Variants in CROCC2 observed in about 807,000 individuals in gnomAD.
The protein encoded by CROCC2 is ciliary rootlet coiled-coil protein 2.
A neutral mutation model predicts 177.6 loss-of-function variants in CROCC2; 163 were observed. The observed-to-expected ratio is 0.92, with a 90% CI of 0.81 to 1.05. The LOEUF (loss-of-function observed/expected upper bound fraction) is 1.05. Among genes scored for constraint, CROCC2 ranks in the 50% least tolerant of loss-of-function variants. CROCC2 has a pLI of 0.00. For synonymous variants in CROCC2, 904 were observed against 787.3 expected (o/e 1.15, Z -2.48); for missense variants, 1,929 against 1,797.8 (o/e 1.07, Z -1.32).
In CROCC2 at chr2:240,972,836, A is replaced by G. The variant is rs1271416475; in HGVS notation, c.4401+4574A>G. On this transcript the variant is annotated intron_variant, in intron 27 of 31. Coordinates refer to ENST00000690015, the MANE Select transcript of CROCC2 (RefSeq NM_001351305.2). The surrounding 1 kb of genome is among the most constrained non-coding windows in gnomAD (Gnocchi z 7.1). ...AGTTTTTCCCAACTTTTTGTAATCT[A>G]TGAGTCATTGTGATAGGTTTCTGGA... 6.6e-6 allele frequency among the ~76,000 whole-genome samples: 1 copy of G among 151,898 alleles called. No homozygotes were observed. The highest frequency in any genetic ancestry group is 1.5e-5 in the Non-Finnish European group (1 of 67,980).
At chr2:240,992,158 C>A (rs549415558) in intron 31 of CROCC2, among the ~76,000 whole-genome samples, 14 of 152,362 alleles carry the variant, frequency 9.2e-5, no homozygotes, top group Admixed American at 7.8e-4. Context: ...TCCATCTGCA[C>A]CCCTCGTCTC....
chr2:240,938,079 C>A (rs1360719970), intron 14 of CROCC2, among the ~76,000 whole-genome samples: 1 of 152,202 alleles, frequency 6.6e-6, no homozygotes, highest in Non-Finnish European at 1.5e-5. Flanking sequence ...TCAGGTAGTT[C>A]TTTACAGCAG....
chr2:240,965,625 C>G lies in CROCC2; in HGVS notation c.3604-11C>G, dbSNP rs1435773516. On this transcript the variant is annotated splice_polypyrimidine_tract_variant and intron_variant, in intron 23 of 31. Transcript: ENST00000690015. ...GTCTCCCACGGGCGCACCCCAACATCCCTCCTACAGGTCCTGGGATTGCAG... is the reference window on the plus strand; with the variant it reads ...GTCTCCCACGGGCGCACCCCAACATGCCTCCTACAGGTCCTGGGATTGCAG... 3 of 1,550,262 alleles carry G rather than the reference C, an allele frequency of 1.9e-6. No homozygotes were observed. Among genetic ancestry groups the G allele is most frequent in the Non-Finnish European group, 2.6e-6 (3 of 1,146,862 alleles).
In CROCC2 at chr2:240,950,496, C is replaced by T; in HGVS notation, c.2815C>T (p.His939Tyr). The T allele has an allele frequency of 2.6e-6, 4 of 1,549,452 alleles. No individual in the cohort carries two copies. Among genetic ancestry groups the T allele is most frequent in the Non-Finnish European group, 3.5e-6 (4 of 1,146,352 alleles). Residue 939 changes from histidine to tyrosine, a missense_variant, in exon 18 of 32, where the codon CAC becomes TAC. Physicochemically the swap from His to Tyr is moderately conservative, Grantham distance 83. This residue lies in a region of CROCC2 where 1,397 missense variants were observed against 1,239.9 expected (regional missense o/e 1.13). Transcript: ENST00000690015. ...GGACGAGAGCCTTCTCCAACTGGAGCACAAGATGCAACAGGTGATGGTGAG... is the reference window on the plus strand; with the variant it reads ...GGACGAGAGCCTTCTCCAACTGGAGTACAAGATGCAACAGGTGATGGTGAG... ...ERDESLLQLE[H>Y]KMQQALSLKE...
intron 28 of CROCC2, among the ~76,000 whole-genome samples, chr2:240,983,979 C>T (rs1429640121): frequency 1.3e-5 from 2 of 152,158 alleles, no homozygotes; most frequent in Non-Finnish European, 2.9e-5. Flanking sequence ...AGGTGCCCCA[C>T]AACCTCCCCT....
In CROCC2 at chr2:240,917,247, C is replaced by T. The variant is rs1009360485; in HGVS notation, c.79-1479C>T. Among the ~76,000 whole-genome samples, 1 of 135,974 alleles carries T rather than the reference C, an allele frequency of 7.4e-6. No individual in the cohort carries two copies. Among genetic ancestry groups the T allele is most frequent in the African/African-American group, 3.4e-5 (1 of 29,458 alleles). The allele number at this position is 135,974 out of a possible 152,430, so 89.2% of individuals were successfully genotyped here. On this transcript the variant is annotated intron_variant, in intron 1 of 31. Transcript: ENST00000690015. This position sits in a 1 kb window ranked among gnomAD's most constrained non-coding sequence, Gnocchi z 4.9. ...GGGCAGCAGAGTCGGAATAGGGCCTCTCCAGGCGCCATGCTGAGCCTGGGT... is the reference window on the plus strand; with the variant it reads ...GGGCAGCAGAGTCGGAATAGGGCCTTTCCAGGCGCCATGCTGAGCCTGGGT...
At chr2:240,969,336 G>A (rs1309496010) in intron 27 of CROCC2, among the ~76,000 whole-genome samples, 1 of 152,258 alleles carries the variant, frequency 6.6e-6, no homozygotes, top group Non-Finnish European at 1.5e-5. Flanking sequence ...CTAGCAGGCA[G>A]GCTCTGAGTT....
chr2:240,971,028 G>A (rs376223045), intron 27 of CROCC2, among the ~76,000 whole-genome samples: 20 of 152,150 alleles, frequency 1.3e-4, no homozygotes, highest in East Asian at 1.2e-3. Flanking sequence ...TTGCGTTGTC[G>A]GGCTGAGCCT....
chr2:240,986,644 G>A (rs555835040), intron 28 of CROCC2, among the ~76,000 whole-genome samples: 52 of 152,314 alleles, frequency 3.4e-4, no homozygotes, highest in Admixed American at 7.8e-4. Context: ...CAGGGGGAGG[G>A]GTGGGAAGGG....
chr2:240,932,532 C>T (rs2059439751), intron 8 of CROCC2, 118 bp downstream of exon 8: 1 of 695,850 alleles, frequency 1.4e-6, no homozygotes, highest in Non-Finnish European at 2.7e-6. Context: ...AAGGTGGGGT[C>T]CCTGCAGTGC....
intron 21 of CROCC2, 173 bp downstream of exon 21, chr2:240,963,946 C>T (rs1009053854): frequency 3.0e-6 from 2 of 668,668 alleles, no homozygotes; most frequent in Non-Finnish European, 5.1e-6. Flanking sequence ...AAGAGGTCTG[C>T]AATGCTGGCC....
chr2:240,991,353 G>A, intron 31 of CROCC2, 75 bp downstream of exon 31: 1 of 1,360,950 alleles, frequency 7.3e-7, no homozygotes, highest in East Asian at 2.6e-5. Context: ...CGGCCCTGGG[G>A]AAGGTGCTGG....
rs1166559577 is a variant in CROCC2, at chr2:240,973,007, G to T, written c.4401+4745G>T. On this transcript the variant is annotated intron_variant, in intron 27 of 31. Coordinates refer to ENST00000690015, the MANE Select transcript of CROCC2 (RefSeq NM_001351305.2). The surrounding 1 kb of genome is among the most constrained non-coding windows in gnomAD (Gnocchi z 4.7). Reference sequence around the variant, plus strand: ...CTGCCCCATGCCCCTTGCTGAGCAGGGGGGTGCTAGGGTCCAGTAGGGCAG... The same window carrying T: ...CTGCCCCATGCCCCTTGCTGAGCAGTGGGGTGCTAGGGTCCAGTAGGGCAG... Among the ~76,000 whole-genome samples the T allele has an allele frequency of 6.6e-6, 1 of 152,042 alleles. No individual in the cohort carries two copies. The highest frequency in any genetic ancestry group is 2.1e-4 in the South Asian group (1 of 4,826).
chr2:240,990,180 C>T (rs994199003), intron 30 of CROCC2, among the ~76,000 whole-genome samples: 5 of 152,204 alleles, frequency 3.3e-5, no homozygotes, highest in Non-Finnish European at 5.9e-5. Context: ...AGACAGCACC[C>T]AGCATGCACA....
At position 240,943,262 on chromosome 2, in the gene CROCC2, C is replaced by A. The variant is rs558932432; in HGVS notation, c.2170-2798C>A. On this transcript the variant is annotated intron_variant, in intron 14 of 31. Transcript: ENST00000690015. Reference sequence around the variant, plus strand: ...GGTTCAAGTGATCCACCTGCCTCAGCCTCCCAAAGTGCTGGGATTTTGCGC... The same window carrying A: ...GGTTCAAGTGATCCACCTGCCTCAGACTCCCAAAGTGCTGGGATTTTGCGC... Among the ~76,000 whole-genome samples the A allele has an allele frequency of 2.8e-4, 42 of 152,252 alleles. 1 individual carries two copies. In the South Asian group the frequency reaches 8.5e-3, roughly 31 times the overall value.
At chr2:240,931,831 C>T (rs984577422) in intron 7 of CROCC2, among the ~76,000 whole-genome samples, 1 of 152,236 alleles carries the variant, frequency 6.6e-6, no homozygotes, top group African/African-American at 2.4e-5. Context: ...CAAGACAGGA[C>T]ATGGGGGCCC....
intron 27 of CROCC2, among the ~76,000 whole-genome samples, chr2:240,969,817 G>A (rs910582103): frequency 6.6e-6 from 1 of 152,074 alleles, no homozygotes; most frequent in African/African-American, 2.4e-5. Flanking sequence ...AGCAACCTCC[G>A]CCTCCCAGGT....
At position 240,960,263 on chromosome 2, in the gene CROCC2, G is replaced by A. The variant is rs1004976807; in HGVS notation, c.3087+819G>A. 6.6e-6 allele frequency among the ~76,000 whole-genome samples: 1 copy of A among 152,354 alleles called. No individual in the cohort carries two copies. The highest frequency in any genetic ancestry group is 1.5e-5 in the Non-Finnish European group (1 of 68,024). On this transcript the variant is annotated intron_variant, in intron 20 of 31. Coordinates refer to ENST00000690015, the MANE Select transcript of CROCC2 (RefSeq NM_001351305.2). The surrounding 1 kb of genome is among the most constrained non-coding windows in gnomAD (Gnocchi z 5.0). The stretch of plus-strand genomic sequence containing the variant: ...CGGACTTCACTGGGCTGGACACTAA[G>A]GTCGGGGGAGGCTGGATTTGGGGCA...
chr2:240,941,223 G>A (rs1333577759), intron 14 of CROCC2, among the ~76,000 whole-genome samples: 1 of 152,126 alleles, frequency 6.6e-6, no homozygotes, highest in African/African-American at 2.4e-5. Context: ...GCTCATGGAC[G>A]AGTAGAATCA....
Sources: gnomAD v4.1 joint callset for allele counts (sites outside exome capture counted in the v4.1 genomes callset) on GRCh38, gnomAD v4.1.1 for gene constraint, gnomAD v4.1.1 regional missense constraint, Gnocchi (gnomAD v3.1) non-coding constraint, MANE v1.5 for transcripts, NCBI Gene and HGNC (gene_info 2026-07-23, HGNC 2026-07-21) for gene names.